CDH13: variants seen among roughly 807,000 people sequenced by gnomAD.
The protein encoded by CDH13 is cadherin 13.
In CDH13, 24 loss-of-function variants were observed where a neutral mutation model predicts 63.8. The observed-to-expected ratio is 0.38, with a 90% CI of 0.27 to 0.53. CDH13 has a LOEUF of 0.53. CDH13 is among the 20% of genes least tolerant of loss of function. The pLI is 0.85. For missense variants in CDH13, 1,049 were observed against 903.1 expected (o/e 1.16, Z -2.07); for synonymous variants, 503 against 355.3 (o/e 1.42, Z -4.67).
chr16:83,246,827 G>T (rs1905041701), intron 5 of CDH13, among the ~76,000 whole-genome samples: 1 of 152,156 alleles, frequency 6.6e-6, no homozygotes, highest in Non-Finnish European at 1.5e-5. Flanking sequence ...ATTGCCGTCT[G>T]TTTCCTTCTT....
chr16:83,014,804 G>GTATATATA (rs1234603835), intron 2 of CDH13, among the ~76,000 whole-genome samples: 58 of 52,684 alleles, frequency 1.1e-3, no homozygotes, highest in African/African-American at 4.9e-3. Context: ...ATATATATAT[G>GTATATATA]TATATATATT....
chr16:83,068,357 A>G (rs984257735), intron 3 of CDH13, among the ~76,000 whole-genome samples: 1 of 152,178 alleles, frequency 6.6e-6, no homozygotes, highest in Admixed American at 6.6e-5. Context: ...TGACTGACTC[A>G]TTGCTGCTTG....
chr16:83,056,188 T>G (rs1439921393), intron 3 of CDH13, among the ~76,000 whole-genome samples: 1 of 152,176 alleles, frequency 6.6e-6, no homozygotes, highest in Non-Finnish European at 1.5e-5. Flanking sequence ...ATGTGAAAAT[T>G]AATTAGAATT....
intron 5 of CDH13, among the ~76,000 whole-genome samples, chr16:83,286,874 G>A (rs1452277429): frequency 3.3e-5 from 5 of 151,554 alleles, no homozygotes; most frequent in African/African-American, 1.2e-4. Context: ...TGAGTGGACT[G>A]AGGCTCATGC....
intron 6 of CDH13, among the ~76,000 whole-genome samples, chr16:83,476,585 A>G (rs890161515): frequency 6.6e-6 from 1 of 152,202 alleles, no homozygotes; most frequent in Non-Finnish European, 1.5e-5. Context: ...AGGCATGAGA[A>G]TCACTTGAAC....
At chr16:83,583,559 C>T (rs1258384638) in intron 7 of CDH13, among the ~76,000 whole-genome samples, 1 of 152,192 alleles carries the variant, frequency 6.6e-6, no homozygotes, top group East Asian at 1.9e-4. Flanking sequence ...ATTTTATCCT[C>T]ATAATAGTGA....
At chr16:83,096,780 G>A (rs751581085) in intron 3 of CDH13, among the ~76,000 whole-genome samples, 12 of 152,122 alleles carry the variant, frequency 7.9e-5, no homozygotes, top group East Asian at 1.9e-4. Flanking sequence ...CTGATCAACC[G>A]CAAGAGTAGA....
At chr16:82,837,572 G>A (rs980289420) in intron 1 of CDH13, among the ~76,000 whole-genome samples, 4 of 152,134 alleles carry the variant, frequency 2.6e-5, no homozygotes, top group African/African-American at 7.2e-5. Flanking sequence ...AGCGAAGTCC[G>A]GAGGAAATCA....
At chr16:83,550,319 C>T (rs186547974) in intron 7 of CDH13, among the ~76,000 whole-genome samples, 3 of 152,274 alleles carry the variant, frequency 2.0e-5, no homozygotes, top group East Asian at 3.9e-4. Context: ...AACCAGGGGG[C>T]GCTGACAGAA....
At chr16:82,867,877 A>G (rs772838930) in intron 2 of CDH13, among the ~76,000 whole-genome samples, 2 of 152,202 alleles carry the variant, frequency 1.3e-5, no homozygotes, top group Non-Finnish European at 2.9e-5. Flanking sequence ...CCTGAGTTCA[A>G]GCTGACTTAG....
intron 9 of CDH13, among the ~76,000 whole-genome samples, chr16:83,673,742 G>T (rs754912896): frequency 9.9e-5 from 15 of 152,196 alleles, no homozygotes; most frequent in South Asian, 6.2e-4. Context: ...GCTTGCCCCA[G>T]ACCTGCTGTG....
intron 6 of CDH13, among the ~76,000 whole-genome samples, chr16:83,368,938 A>ATATATATATATATATATG (rs60900726): frequency 3.6e-5 from 2 of 55,430 alleles, no homozygotes; most frequent in African/African-American, 7.4e-5. Context: ...ATATATATAT[A>ATATATATATATATATATG]CTAGGTTTTT....
At chr16:83,698,536 A>C (rs1905730908) in intron 10 of CDH13, among the ~76,000 whole-genome samples, 1 of 152,160 alleles carries the variant, frequency 6.6e-6, no homozygotes, top group South Asian at 2.1e-4. Context: ...GGCCAGGAGC[A>C]TCTGTTTTGT....
chr16:82,856,469 A>C (rs938312659), intron 1 of CDH13, among the ~76,000 whole-genome samples: 3 of 151,368 alleles, frequency 2.0e-5, no homozygotes, highest in African/African-American at 7.3e-5. Flanking sequence ...TGGGAAGTCG[A>C]GGTGGGTGGA....
intron 4 of CDH13, chr16:83,171,451 T>A: frequency 7.7e-7 from 1 of 1,296,918 alleles, no homozygotes. Context: ...CCAAACCATA[T>A]CAAAAGCTTT....
chr16:82,736,772 C>T (rs1414563557), intron 1 of CDH13, among the ~76,000 whole-genome samples: 1 of 152,182 alleles, frequency 6.6e-6, no homozygotes, highest in Admixed American at 6.5e-5. Flanking sequence ...CCTTTCACTC[C>T]TTCGGGCAAT....
At chr16:83,240,621 A>G (rs1002026852) in intron 5 of CDH13, among the ~76,000 whole-genome samples, 2 of 143,198 alleles carry the variant, frequency 1.4e-5, no homozygotes, top group Admixed American at 7.3e-5. Flanking sequence ...GAAAGAGAGG[A>G]GGGTTGAGGG....
intron 6 of CDH13, among the ~76,000 whole-genome samples, chr16:83,479,005 C>A (rs148292558): frequency 0.011 from 1,661 of 152,296 alleles, 7 homozygotes; most frequent in Non-Finnish European, 0.018. Context: ...ACATGCCCTG[C>A]CAAACGTGGG....
chr16:82,802,026 G>A (rs934789887), intron 1 of CDH13, among the ~76,000 whole-genome samples: 12 of 152,180 alleles, frequency 7.9e-5, no homozygotes, highest in African/African-American at 1.9e-4. Context: ...GCTCAGTTCC[G>A]TTGAGGATCT....
Sources: allele counts gnomAD v4.1 joint callset (sites outside exome capture counted in the v4.1 genomes callset), GRCh38; gene constraint gnomAD v4.1.1; transcripts MANE v1.5; gene names NCBI Gene and HGNC (gene_info 2026-07-23, HGNC 2026-07-21).